AFF3: variants seen among roughly 807,000 people sequenced by gnomAD.
The protein encoded by AFF3 is ALF transcription elongation factor 3, also known as AF4/FMR2 family member 3.
In AFF3, 32 loss-of-function variants were observed where a neutral mutation model predicts 129.7. The observed-to-expected ratio is 0.25, with a 90% CI of 0.19 to 0.33. The LOEUF is 0.33. Ranked by LOEUF, AFF3 falls within the 10% of genes least tolerant of loss-of-function variation. The probability of loss-of-function intolerance (pLI) is 1.00; values close to 1 mark genes in which losing one functional copy is unlikely to be tolerated. For synonymous variants in AFF3, 644 were observed against 635.4 expected, an observed-to-expected ratio of 1.01 and a Z score of -0.20; for missense variants, 1,373 against 1,592.0, an observed-to-expected ratio of 0.86 and a Z score of 2.34.
At chr2:99,701,678 T>A (rs772971316) in intron 11 of AFF3, among the ~76,000 whole-genome samples, 10 of 152,210 alleles carry the variant, frequency 6.6e-5, no homozygotes, top group Non-Finnish European at 1.2e-4. Context: ...CAGTTATGCA[T>A]GGACTCATTT....
At chr2:99,908,229 G>T (rs926645652) in intron 7 of AFF3, among the ~76,000 whole-genome samples, 2 of 152,140 alleles carry the variant, frequency 1.3e-5, no homozygotes, top group Non-Finnish European at 2.9e-5. Flanking sequence ...GGTGGGGAAA[G>T]AATTCCCTAT....
At chr2:100,023,342 A>T (rs1056566588) in intron 4 of AFF3, among the ~76,000 whole-genome samples, 5 of 152,200 alleles carry the variant, frequency 3.3e-5, no homozygotes, top group Non-Finnish European at 7.3e-5. Context: ...GCTAGCTTTT[A>T]CCAAATTTTG....
intron 1 of AFF3, among the ~76,000 whole-genome samples, chr2:100,130,282 C>T (rs11901336): frequency 0.02 from 3,043 of 152,206 alleles, 105 homozygotes; most frequent in African/African-American, 0.07. Flanking sequence ...CTGATGTGCC[C>T]GAGAATGCTC....
chr2:99,676,777 T>G (rs533880599), intron 11 of AFF3, among the ~76,000 whole-genome samples: 25 of 152,292 alleles, frequency 1.6e-4, no homozygotes, highest in African/African-American at 5.8e-4. Context: ...GGGGAATATA[T>G]TTTGGCCTGT....
intron 8 of AFF3, among the ~76,000 whole-genome samples, chr2:99,810,561 TCA>T (rs1312445914): frequency 6.6e-6 from 1 of 152,256 alleles, no homozygotes; most frequent in Non-Finnish European, 1.5e-5. Context: ...GTAATTGTGG[TCA>T]CACATTAGTC....
At chr2:99,655,712 C>T (rs1685687334) in intron 12 of AFF3, among the ~76,000 whole-genome samples, 1 of 152,094 alleles carries the variant, frequency 6.6e-6, no homozygotes, top group Admixed American at 6.6e-5. Context: ...CTTATATGTT[C>T]TTTGCACTTC....
rs1674185257 is a variant in AFF3 at position 99,548,482 on chromosome 2, G to T, written c.*2992C>A. On this transcript the variant is annotated 3_prime_UTR_variant, in exon 25 of 25. Coordinates refer to ENST00000672756, the MANE Select transcript of AFF3 (RefSeq NM_001386135.1). ...AAAACTAAACAGGCCAGGCATGGTG[G>T]CTCATGCACTTTGGGAGGCCGAGGC... is the stretch of plus-strand genomic sequence containing the variant. The T allele has an allele frequency of 5.0e-6, 1 of 198,276 alleles. No homozygotes were observed. Among genetic ancestry groups the T allele is most frequent in the East Asian group, 7.9e-5 (1 of 12,678 alleles). 12.3% of individuals were successfully genotyped at this position (198,276 alleles called of 1,614,324 possible). A position where few individuals can be genotyped will look rare whatever the true frequency, so the allele number is the denominator to read the frequency against.
intron 9 of AFF3, among the ~76,000 whole-genome samples, chr2:99,747,015 T>A (rs1215914855): frequency 6.6e-6 from 1 of 151,488 alleles, no homozygotes; most frequent in Non-Finnish European, 1.5e-5. Flanking sequence ...ACACAAAATA[T>A]AATTATTTTA....
At chr2:99,998,156 G>T (rs1181356349) in intron 7 of AFF3, among the ~76,000 whole-genome samples, 8 of 152,224 alleles carry the variant, frequency 5.3e-5, no homozygotes, top group Non-Finnish European at 4.4e-5. Flanking sequence ...GAGGGACACA[G>T]TAAGGACCTC....
chr2:99,855,194 G>A (rs1690435467), intron 7 of AFF3, among the ~76,000 whole-genome samples: 1 of 152,168 alleles, frequency 6.6e-6, no homozygotes, highest in Non-Finnish European at 1.5e-5. Context: ...GATATAAAGG[G>A]TAAAGGGTTT....
intron 13 of AFF3, among the ~76,000 whole-genome samples, chr2:99,624,606 G>GC (rs1682365954): frequency 6.6e-6 from 1 of 152,178 alleles, no homozygotes; most frequent in Non-Finnish European, 1.5e-5. Flanking sequence ...TGAGGCCCTG[G>GC]CCCGTTGCCT....
intron 24 of AFF3, 66 bp downstream of exon 24, chr2:99,554,245 G>T: frequency 6.4e-7 from 1 of 1,553,682 alleles, no homozygotes. Context: ...TCAGGAGGCC[G>T]AGGCAGAAGA....
intron 11 of AFF3, among the ~76,000 whole-genome samples, chr2:99,718,906 A>G (rs1389010572): frequency 2.0e-5 from 3 of 152,010 alleles, no homozygotes; most frequent in Non-Finnish European, 4.4e-5. Flanking sequence ...GCCCGCCACC[A>G]TGCCCGGCTA....
chr2:100,054,004 A>G (rs1452484777), intron 4 of AFF3, among the ~76,000 whole-genome samples: 1 of 152,180 alleles, frequency 6.6e-6, no homozygotes, highest in Non-Finnish European at 1.5e-5. Context: ...CATCCTGGTT[A>G]AGGCCTCTCC....
chr2:99,592,943 C>CCCCA (rs766393879), intron 15 of AFF3, among the ~76,000 whole-genome samples: 4 of 123,016 alleles, frequency 3.3e-5, no homozygotes, highest in Non-Finnish European at 5.1e-5. Context: ...CCCCCCCCCC[C>CCCCA]AAAAAAAGGG....
At position 100,105,512 on chromosome 2, in the gene AFF3, G is replaced by C. The variant is rs1691221322; in HGVS notation, c.-73C>G. 7.5e-7 allele frequency: 1 copy of C among 1,330,878 alleles called. No individual in the cohort carries two copies. Among genetic ancestry groups the C allele is most frequent in the Non-Finnish European group, 1.0e-6 (1 of 1,004,418 alleles). 82.4% of individuals were successfully genotyped at this position (1,330,878 alleles called of 1,614,324 possible). On this transcript the variant is annotated 5_prime_UTR_variant, in exon 3 of 25. Coordinates refer to ENST00000672756, the MANE Select transcript of AFF3 (RefSeq NM_001386135.1). ...TTCTTTTTATTTCTCACCGGGAAGG[G>C]GGACAAACTGGCCTCTGGGTGTCGA...
chr2:100,068,614 AG>A (rs1687917780), intron 4 of AFF3, among the ~76,000 whole-genome samples: 1 of 152,210 alleles, frequency 6.6e-6, no homozygotes. Flanking sequence ...AGTGGCCAGC[AG>A]GAACACACAT....
At chr2:99,950,509 G>T (rs1676052157) in intron 7 of AFF3, among the ~76,000 whole-genome samples, 1 of 152,100 alleles carries the variant, frequency 6.6e-6, no homozygotes, top group African/African-American at 2.4e-5. Flanking sequence ...TTTGTTTCCT[G>T]CATGAATGAT....
intron 8 of AFF3, among the ~76,000 whole-genome samples, chr2:99,762,603 G>A (rs1682711480): frequency 6.6e-6 from 1 of 152,134 alleles, no homozygotes; most frequent in African/African-American, 2.4e-5. Context: ...CAGAATAATA[G>A]GAATTAATTG....
Sources: gnomAD v4.1 joint callset for allele counts (sites outside exome capture counted in the v4.1 genomes callset) on GRCh38, gnomAD v4.1.1 for gene constraint, MANE v1.5 for transcripts, NCBI Gene and HGNC (gene_info 2026-07-23, HGNC 2026-07-21) for gene names.